MTMR10: variants seen among roughly 807,000 people sequenced by gnomAD.
MTMR10 encodes the protein myotubularin-related protein 10.
MTMR10 carries 56 observed loss-of-function variants against 88.1 expected under a neutral mutation model. That is an observed-to-expected ratio of 0.64 (90% CI 0.51 to 0.79). The LOEUF (loss-of-function observed/expected upper bound fraction) is 0.79. Among genes scored for constraint, MTMR10 ranks in the 30% least tolerant of loss-of-function variants. The pLI is 0.00. For missense variants in MTMR10, 883 were observed against 924.7 expected, an observed-to-expected ratio of 0.95 and a Z score of 0.58; for synonymous variants, 380 against 340.9, an observed-to-expected ratio of 1.11 and a Z score of -1.26.
intron 12 of MTMR10, chr15:30,949,446 T>A (rs747593260): frequency 3.9e-5 from 6 of 152,196 alleles, no homozygotes; most frequent in Non-Finnish European, 7.3e-5. Context: ...TGATCCTGTA[T>A]GTAAAAACTC....
intron 3 of MTMR10, among the ~76,000 whole-genome samples, chr15:30,975,729 TATA>T (rs751410776): frequency 3.3e-5 from 5 of 152,208 alleles, no homozygotes; most frequent in South Asian, 2.1e-4. Context: ...ATTTGTACAG[TATA>T]ATAATTATGG....
intron 5 of MTMR10, 38 bp downstream of exon 5, chr15:30,974,275 GT>G: frequency 6.7e-7 from 1 of 1,492,760 alleles, no homozygotes; most frequent in South Asian, 1.4e-5. Context: ...AGTAAACACA[GT>G]ACAGAACCCA....
In MTMR10 at chr15:30,938,943, C is replaced by G; in HGVS notation, c.*2527G>C. 1.0e-6 allele frequency: 1 copy of G among 985,394 alleles called. No individual in the cohort carries two copies. The highest frequency in any genetic ancestry group is 4.7e-5 in the South Asian group (1 of 21,282). 61.0% of individuals were successfully genotyped at this position (985,394 alleles called of 1,614,324 possible). On this transcript the variant is annotated 3_prime_UTR_variant, in exon 16 of 16. Coordinates refer to ENST00000435680, the MANE Select transcript of MTMR10 (RefSeq NM_017762.3). ...ATGATTTCATACTGACAACAACAAA[C>G]AGTCGCTGTGGAATTTTATTAAGCC...
chr15:30,981,134 C>T (rs2030541311), intron 2 of MTMR10, among the ~76,000 whole-genome samples: 1 of 152,176 alleles, frequency 6.6e-6, no homozygotes, highest in Non-Finnish European at 1.5e-5. Context: ...TAAGGAGAAA[C>T]AGGTTATTTG....
At chr15:30,963,995 T>A (rs1033462196) in intron 6 of MTMR10, among the ~76,000 whole-genome samples, 4 of 151,142 alleles carry the variant, frequency 2.6e-5, no homozygotes, top group African/African-American at 9.7e-5. Flanking sequence ...ATATGATAGA[T>A]ACCTGTTTAT....
intron 6 of MTMR10, chr15:30,966,123 G>A (rs117990542): frequency 8.3e-4 from 350 of 422,168 alleles, no homozygotes; most frequent in Non-Finnish European, 1.5e-3. Context: ...TGTTTATGAG[G>A]TACTTGTCAA....
chr15:30,979,074 A>G (rs1289154335), intron 2 of MTMR10, among the ~76,000 whole-genome samples: 1 of 152,170 alleles, frequency 6.6e-6, no homozygotes, highest in African/African-American at 2.4e-5. Context: ...CCTCAATTTA[A>G]ACAACTAAAC....
rs1276150179 is a variant in MTMR10, at chr15:30,939,505, T to TAATC, written c.*1961_*1964dup. ...TTATGCACAATAAACTGTAGCACAATAATCATGATATAACAACTGTCCAGC... is the reference window on the plus strand; with the variant it reads ...TTATGCACAATAAACTGTAGCACAATAATCAATCATGATATAACAACTGTCCAGC... On this transcript the variant is annotated 3_prime_UTR_variant, in exon 16 of 16. Transcript: ENST00000435680. The TAATC allele has an allele frequency of 2.2e-5, 22 of 982,938 alleles. No homozygotes were observed. The African/African-American group carries it at 3.5e-4, about 16-fold the overall frequency. 60.9% of individuals were successfully genotyped at this position (982,938 alleles called of 1,614,324 possible). A position where few individuals can be genotyped will look rare whatever the true frequency, so the allele number is the denominator to read the frequency against.
At chr15:30,989,635 T>G (rs1468988047) in intron 2 of MTMR10, among the ~76,000 whole-genome samples, 2 of 151,436 alleles carry the variant, frequency 1.3e-5, no homozygotes, top group Non-Finnish European at 2.9e-5. Flanking sequence ...CAGGCTGGAC[T>G]GCAGTGGCAG....
In MTMR10 at chr15:30,991,571, T is replaced by A. The variant is rs2031336993; in HGVS notation, c.-65A>T. 6.6e-7 allele frequency: 1 copy of A among 1,513,518 alleles called. No individual in the cohort carries two copies. The highest frequency in any genetic ancestry group is 1.3e-5 in the South Asian group (1 of 77,326). 93.8% of individuals were successfully genotyped at this position (1,513,518 alleles called of 1,614,324 possible). A position where few individuals can be genotyped will look rare whatever the true frequency, so the allele number is the denominator to read the frequency against. On this transcript the variant is annotated 5_prime_UTR_variant, in exon 1 of 16. Coordinates refer to ENST00000435680, the MANE Select transcript of MTMR10 (RefSeq NM_017762.3). The stretch of plus-strand genomic sequence containing the variant: ...GTGGCAGCGCCGACGCCTCCGGGCG[T>A]AAAGCTCTCAGTGCGGCCGCCCAGG...
chr15:30,954,023 C>T (rs1311335681), intron 10 of MTMR10, among the ~76,000 whole-genome samples: 1 of 152,242 alleles, frequency 6.6e-6, no homozygotes, highest in Non-Finnish European at 1.5e-5. Context: ...TGCTTCCCTG[C>T]CCCACCCCTG....
At chr15:30,952,062 G>A in intron 11 of MTMR10, 24 bp from the exon 12 acceptor site, 1 of 1,592,614 alleles carries the variant, frequency 6.3e-7, no homozygotes, top group South Asian at 1.1e-5. Context: ...AGGAAAAGCA[G>A]TGTTAAAAAT....
chr15:30,941,935 C>G lies in MTMR10; in HGVS notation c.1869G>C (p.Gln623His), dbSNP rs565908636. 10 of 1,614,020 alleles carry G rather than the reference C, an allele frequency of 6.2e-6. No homozygotes were observed. Among genetic ancestry groups the G allele is most frequent in the African/African-American group, 4.0e-5 (3 of 75,040 alleles). Reference protein sequence around the residue: ...KPDPAQQTDSQNSDTEQYFRE... With the variant: ...KPDPAQQTDSHNSDTEQYFRE... Reference sequence around the variant, plus strand: ...TAAAATACTGCTCCGTATCACTGTTCTGGCTGTCGGTTTGCTGAGCTGGAT... The same window carrying G: ...TAAAATACTGCTCCGTATCACTGTTGTGGCTGTCGGTTTGCTGAGCTGGAT... The change falls in exon 16 of 16, where the codon CAG becomes CAC. Residue 623 changes from glutamine (Q) to histidine (H), a missense_variant. Around this residue, in one of 3 missense-constraint regions of MTMR10, gnomAD observed 343 missense variants for 323.2 expected, o/e 1.06. Transcript: ENST00000435680.
chr15:30,952,861 C>T (rs2063269555), intron 11 of MTMR10, among the ~76,000 whole-genome samples: 2 of 152,056 alleles, frequency 1.3e-5, no homozygotes, highest in Admixed American at 6.5e-5. Context: ...GTGATCTTGA[C>T]TCAATGCAAC....
chr15:30,938,402 A>C (rs952685206), downstream of MTMR10, among the ~76,000 whole-genome samples: 2 of 152,208 alleles, frequency 1.3e-5, no homozygotes, highest in East Asian at 3.8e-4. Context: ...TATAACATGT[A>C]AATGCTTGTT....
chr15:30,963,396 C>T (rs1056142884), intron 6 of MTMR10, among the ~76,000 whole-genome samples: 4 of 151,934 alleles, frequency 2.6e-5, no homozygotes, highest in African/African-American at 9.7e-5. Flanking sequence ...TTTGGGAGGC[C>T]GAGGTGGGCG....
Position 30,941,468 on chromosome 15 carries a change from T to G in MTMR10, c.*2A>C, listed in dbSNP as rs2063050291. ...CTCAAAATGTTCAGAAAACACCCTA[T>G]TTTAGTCTTCATTTGCTAATGTCTC... On this transcript the variant is annotated 3_prime_UTR_variant, in exon 16 of 16. Coordinates refer to ENST00000435680, the MANE Select transcript of MTMR10 (RefSeq NM_017762.3). The G allele has an allele frequency of 6.2e-7, 1 of 1,600,876 alleles. No homozygotes were observed. Among genetic ancestry groups the G allele is most frequent in the South Asian group, 1.1e-5 (1 of 88,628 alleles).
At chr15:30,931,539 A>G in the MTMR10 span, among the ~76,000 whole-genome samples, 1 of 152,192 alleles carries the variant, frequency 6.6e-6, no homozygotes. Context: ...GTTTTCTTCT[A>G]GAAGTGTTAT....
rs1321942166 is a variant in MTMR10 at position 30,947,205 on chromosome 15, C to T, written c.1473G>A (p.Leu491=). The part of the protein sequence containing the change: ...FEFSETYLAV[L]YDSTRISLFG... ...ACAGTGAGATCCGGGTGCTGTCATA[C>T]AACACTGCCAGGTAGGTTTCGGAGA... is the stretch of plus-strand genomic sequence containing the variant. Residue 491 remains leucine, a synonymous_variant, in exon 14 of 16, where the codon TTG becomes TTA. Coordinates refer to ENST00000435680, the MANE Select transcript of MTMR10 (RefSeq NM_017762.3). 6 of 1,613,850 alleles carry T rather than the reference C, an allele frequency of 3.7e-6. No individual in the cohort carries two copies. Among genetic ancestry groups the T allele is most frequent in the African/African-American group, 2.7e-5 (2 of 74,912 alleles).
Sources: gnomAD v4.1 joint callset for allele counts (sites outside exome capture counted in the v4.1 genomes callset) on GRCh38, gnomAD v4.1.1 for gene constraint, gnomAD v4.1.1 regional missense constraint, MANE v1.5 for transcripts, NCBI Gene and HGNC (gene_info 2026-07-23, HGNC 2026-07-21) for gene names.